The following DNAH12 variants were observed in gnomAD, a reference collection of about 807,000 sequenced individuals.
The protein encoded by DNAH12 is dynein axonemal heavy chain 12.
In DNAH12, 285 loss-of-function variants were observed where a neutral mutation model predicts 371.5. The observed-to-expected ratio is 0.77, with a 90% confidence interval of 0.70 to 0.85. The LOEUF (loss-of-function observed/expected upper bound fraction) is 0.85. Ranked by LOEUF, DNAH12 falls within the 40% of genes least tolerant of loss-of-function variation. The pLI is 0.00. For missense variants in DNAH12, 3,611 were observed against 3,689.4 expected, an observed-to-expected ratio of 0.98 and a Z score of 0.55; for synonymous variants, 1,200 against 1,213.0, an observed-to-expected ratio of 0.99 and a Z score of 0.22.
At chr3:57,451,937 T>C (rs2065770683) in intron 25 of DNAH12, among the ~76,000 whole-genome samples, 1 of 152,140 alleles carries the variant, frequency 6.6e-6, no homozygotes, top group Non-Finnish European at 1.5e-5. Context: ...TATGTCAATG[T>C]ATAAAAGTCA....
rs1222640929 is a variant in DNAH12 at position 57,453,375 on chromosome 3, T to C, written c.3485A>G (p.Gln1162Arg). The C allele has an allele frequency of 6.5e-7, 1 of 1,548,520 alleles. No homozygotes were observed. The highest frequency in any genetic ancestry group is 2.4e-5 in the East Asian group (1 of 40,846). Residue 1162 changes from glutamine to arginine, a missense_variant, in exon 24 of 74, where the codon CAG becomes CGG. Coordinates refer to ENST00000495027, the MANE Select transcript of DNAH12 (RefSeq NM_001366028.2). ...CTCTACAATCTCATTCAGTTGGTTC[T>C]GAAGTTCCTTATAATACTTCTTTAA... Reference protein sequence around the residue: ...EGLKKYYKELQNQLNEIVELV... With the variant: ...EGLKKYYKELRNQLNEIVELV...
chr3:57,367,491 C>T (rs1410940662), intron 56 of DNAH12, among the ~76,000 whole-genome samples: 1 of 152,192 alleles, frequency 6.6e-6, no homozygotes, highest in Non-Finnish European at 1.5e-5. Flanking sequence ...CTTCCTCCAT[C>T]AATTTTCAAT....
chr3:57,456,437 A>C (rs977775441), intron 22 of DNAH12, among the ~76,000 whole-genome samples: 1 of 152,226 alleles, frequency 6.6e-6, no homozygotes, highest in African/African-American at 2.4e-5. Flanking sequence ...TGTGGTCCTA[A>C]AGGCAGAAAT....
At chr3:57,476,812 T>C (rs2066543677) in intron 13 of DNAH12, among the ~76,000 whole-genome samples, 1 of 152,180 alleles carries the variant, frequency 6.6e-6, no homozygotes, top group East Asian at 1.9e-4. Flanking sequence ...AGGTACATCA[T>C]CTTGTGCTGG....
intron 43 of DNAH12, 146 bp downstream of exon 43, chr3:57,403,163 A>T: frequency 1.2e-6 from 1 of 806,058 alleles, no homozygotes; most frequent in Non-Finnish European, 1.8e-6. Flanking sequence ...ACAGAACTCA[A>T]CACACACAGT....
intron 4 of DNAH12, among the ~76,000 whole-genome samples, chr3:57,515,335 T>C (rs1442764055): frequency 6.6e-6 from 1 of 152,060 alleles, no homozygotes; most frequent in Non-Finnish European, 1.5e-5. Flanking sequence ...TCCTGGAACA[T>C]CTTATTGTGC....
At chr3:57,555,659 A>C in the DNAH12 span, among the ~76,000 whole-genome samples, 2 of 152,220 alleles carry the variant, frequency 1.3e-5, no homozygotes, top group African/African-American at 4.8e-5. Context: ...GCGATGGATA[A>C]AGAGACCTAC....
intron 4 of DNAH12, among the ~76,000 whole-genome samples, chr3:57,513,136 C>CA (rs57769589): frequency 0.02 from 2,097 of 103,612 alleles, 40 homozygotes; most frequent in African/African-American, 0.056. Context: ...GACTTCATCT[C>CA]AAAAAAAAAA....
chr3:57,420,614 A>C (rs9838772), intron 36 of DNAH12, among the ~76,000 whole-genome samples: 48,044 of 151,920 alleles, frequency 0.32, 8,143 homozygotes, highest in South Asian at 0.44. Flanking sequence ...CGATTCTTAA[A>C]GAATATGCTT....
At chr3:57,438,680 C>T (rs943334429) in intron 29 of DNAH12, among the ~76,000 whole-genome samples, 13 of 151,866 alleles carry the variant, frequency 8.6e-5, no homozygotes, top group Middle Eastern at 3.2e-3. Flanking sequence ...CGGCCGGGCG[C>T]GGTGGCCCAC....
chr3:57,309,461 C>A (rs1223945893), intron 68 of DNAH12, among the ~76,000 whole-genome samples: 1 of 152,078 alleles, frequency 6.6e-6, no homozygotes, highest in Non-Finnish European at 1.5e-5. Context: ...TTATAAGCCA[C>A]TTTAAATTCA....
intron 34 of DNAH12, among the ~76,000 whole-genome samples, chr3:57,428,091 G>C (rs747381656): frequency 2.6e-5 from 4 of 151,968 alleles, no homozygotes; most frequent in Non-Finnish European, 5.9e-5. Context: ...ACCATGCCCG[G>C]CTAATTTTTA....
rs72869816 is a variant in DNAH12, at chr3:57,436,169, A to G, written c.4655+782T>C. Among the ~76,000 whole-genome samples the G allele has an allele frequency of 6.8e-3, 1,037 of 152,164 alleles. 11 individuals carry two copies. The highest frequency in any genetic ancestry group is 0.023 in the African/African-American group (961 of 41,514). ...AGGTTTTAAGAAAGGTGGCTCTCTA[A>G]GTAAATATAAATATATATACACACA... On this transcript the variant is annotated intron_variant, in intron 30 of 73. Transcript: ENST00000495027.
chr3:57,471,549 G>C lies in DNAH12; in HGVS notation c.1834C>G (p.Leu612Val). The change falls in exon 15 of 74, where the codon CTT (leucine) becomes GTT (valine). Residue 612 changes from leucine (L) to valine (V), a missense_variant. Physicochemically the swap from Leu to Val is conservative, Grantham distance 32. Transcript: ENST00000495027. ...ENELMAKREK[L>V]ILEIEKESRR... The stretch of plus-strand genomic sequence containing the variant: ...GATTCTTTTTCTATTTCCAAAATAA[G>C]TTTCTCTCTCTTGGCCATTAGTTCA... 1 of 1,549,142 alleles carries C rather than the reference G, an allele frequency of 6.5e-7. No homozygotes were observed. Among genetic ancestry groups the C allele is most frequent in the South Asian group, 1.2e-5 (1 of 83,550 alleles).
At chr3:57,449,857 G>C (rs2065695742) in intron 25 of DNAH12, among the ~76,000 whole-genome samples, 1 of 152,230 alleles carries the variant, frequency 6.6e-6, no homozygotes, top group Admixed American at 6.5e-5. Context: ...AGGCAGAGGA[G>C]GCGCCGAGAG....
chr3:57,370,954 T>C (rs1448372753), intron 55 of DNAH12, among the ~76,000 whole-genome samples: 1 of 152,136 alleles, frequency 6.6e-6, no homozygotes, highest in Non-Finnish European at 1.5e-5. Flanking sequence ...AGCCTATGCA[T>C]AAAGAGATAA....
At position 57,352,077 on chromosome 3, in the gene DNAH12, T is replaced by A. The variant is rs782105774; in HGVS notation, c.9674+8A>T. ...ATAAATAAATTATGGTAAAAGCAAG[T>A]AACTTACAGAAGAAGATTGGCACAT... On this transcript the variant is annotated splice_region_variant and intron_variant, in intron 60 of 73. Transcript: ENST00000495027. The A allele has an allele frequency of 8.7e-6, 13 of 1,501,126 alleles. No individual in the cohort carries two copies. Among genetic ancestry groups the A allele is most frequent in the Non-Finnish European group, 1.1e-5 (13 of 1,132,692 alleles). 93.0% of individuals were successfully genotyped at this position (1,501,126 alleles called of 1,614,324 possible).
chr3:57,405,795 T>C lies in DNAH12; in HGVS notation c.6434A>G (p.Glu2145Gly). Reference protein sequence around the residue: ...KHTMIRLFVHEVLRVFYDRLI... With the variant: ...KHTMIRLFVHGVLRVFYDRLI... ...GCGATCATAAAACACTCGGAGAACCTCATGCACAAACAGACGGATCATAGT... is the reference window on the plus strand; with the variant it reads ...GCGATCATAAAACACTCGGAGAACCCCATGCACAAACAGACGGATCATAGT... The change falls in exon 41 of 74, where the codon GAG becomes GGG. Residue 2145 changes from glutamate (E) to glycine (G), a missense_variant. Glu to Gly is a moderately conservative substitution (Grantham distance 98). Transcript: ENST00000495027. 1 of 1,551,676 alleles carries C rather than the reference T, an allele frequency of 6.4e-7. No individual in the cohort carries two copies. The highest frequency in any genetic ancestry group is 8.7e-7 in the Non-Finnish European group (1 of 1,146,988).
At chr3:57,545,813 A>C (rs2069537124), upstream of DNAH12, among the ~76,000 whole-genome samples, 1 of 152,108 alleles carries the variant, frequency 6.6e-6, no homozygotes, top group Admixed American at 6.6e-5. Flanking sequence ...TTTGGACAAA[A>C]ACTTGCACAG....
Sources: gnomAD v4.1 joint callset for allele counts (sites outside exome capture counted in the v4.1 genomes callset) on GRCh38, gnomAD v4.1.1 for gene constraint, MANE v1.5 for transcripts, NCBI Gene and HGNC (gene_info 2026-07-23, HGNC 2026-07-21) for gene names.